ANK3: variants seen among roughly 807,000 people sequenced by gnomAD.
ANK3 encodes ankyrin-3.
In ANK3, 57 loss-of-function variants were observed where a neutral mutation model predicts 370.9. The observed-to-expected ratio is 0.15, with a 90% CI of 0.12 to 0.19. The LOEUF (loss-of-function observed/expected upper bound fraction) is 0.19. ANK3 is among the 10% of genes least tolerant of loss of function. ANK3 has a pLI of 1.00. For synonymous variants in ANK3, 1,929 were observed against 1,946.3 expected, an observed-to-expected ratio of 0.99 and a Z score of 0.23; for missense variants, 4,439 against 5,302.1, an observed-to-expected ratio of 0.84 and a Z score of 5.06.
intron 1 of ANK3, among the ~76,000 whole-genome samples, chr10:60,387,012 T>A (rs2062455513): frequency 6.6e-6 from 1 of 152,038 alleles, no homozygotes; most frequent in African/African-American, 2.4e-5. Context: ...GTACAAAAAT[T>A]AGCCGGGCAG....
chr10:60,716,053 T>A (rs1251821844), intron 1 of ANK3, among the ~76,000 whole-genome samples: 1 of 152,210 alleles, frequency 6.6e-6, no homozygotes, highest in Non-Finnish European at 1.5e-5. Flanking sequence ...CTACATGTGA[T>A]ACATATTCAC....
rs574040401 is a variant in ANK3, at chr10:60,260,928, A to T, written c.798+931T>A. 2.6e-5 allele frequency among the ~76,000 whole-genome samples: 4 copies of T among 152,250 alleles called. No homozygotes were observed. In the South Asian group the frequency reaches 8.3e-4, roughly 32 times the overall value. The stretch of plus-strand genomic sequence containing the variant: ...CCAATCTCAGACACCTCTTTATAGC[A>T]ATGTGAAAACAGACTAATACACTAC... On this transcript the variant is annotated intron_variant, in intron 7 of 43. Coordinates refer to ENST00000280772, the MANE Select transcript of ANK3 (RefSeq NM_020987.5).
chr10:60,346,592 T>C (rs1283494861), intron 1 of ANK3, among the ~76,000 whole-genome samples: 2 of 150,756 alleles, frequency 1.3e-5, no homozygotes, highest in Admixed American at 1.3e-4. Context: ...AGAGAGGTTA[T>C]CACACATTGT....
At chr10:60,097,199 G>A (rs988363281) in intron 28 of ANK3, among the ~76,000 whole-genome samples, 19 of 152,168 alleles carry the variant, frequency 1.2e-4, no homozygotes, top group East Asian at 5.8e-4. Context: ...GATTTAGCTC[G>A]TCAGTTTTAG....
chr10:60,254,116 C>G (rs1423377468), intron 7 of ANK3, among the ~76,000 whole-genome samples: 1 of 152,102 alleles, frequency 6.6e-6, no homozygotes, highest in Non-Finnish European at 1.5e-5. Context: ...ACTCTCTGTA[C>G]ACTTTAAATG....
intron 2 of ANK3, among the ~76,000 whole-genome samples, chr10:60,452,095 T>C (rs2064621547): frequency 1.3e-5 from 2 of 152,224 alleles, no homozygotes; most frequent in Non-Finnish European, 2.9e-5. Flanking sequence ...AAATGTTATC[T>C]TTACATTTCT....
At position 60,072,124 on chromosome 10, in the gene ANK3, C is replaced by T; in HGVS notation, c.8757G>A (p.Met2919Ile). The change falls in exon 37 of 44, where the codon ATG becomes ATA. Residue 2919 changes from methionine (M) to isoleucine (I), a missense_variant. This residue lies in a region of ANK3 where 1,601 missense variants were observed against 1,731.7 expected (regional missense o/e 0.92). Coordinates refer to ENST00000280772, the MANE Select transcript of ANK3 (RefSeq NM_020987.5). ...CTTTTTTGGAGGGAGATTTTACAGT[C>T]ATTTCTTTAATTTCTGAGAGAGAGC... ...TNGSLSEIKE[M>I]TVKSPSKKVL... 6.2e-7 allele frequency: 1 copy of T among 1,613,918 alleles called. No homozygotes were observed. Among genetic ancestry groups the T allele is most frequent in the African/African-American group, 1.3e-5 (1 of 75,038 alleles).
intron 25 of ANK3, among the ~76,000 whole-genome samples, chr10:60,130,060 C>T (rs1292446334): frequency 6.6e-6 from 1 of 152,098 alleles, no homozygotes; most frequent in Non-Finnish European, 1.5e-5. Context: ...TGTTTAAATG[C>T]ACTTCTGAAG....
intron 1 of ANK3, among the ~76,000 whole-genome samples, chr10:60,351,528 T>C (rs1417380): frequency 0.75 from 113,865 of 152,136 alleles, 42,876 homozygotes; most frequent in South Asian, 0.92. Flanking sequence ...GGGAAGTTCC[T>C]TATTTGAAGA....
intron 9 of ANK3, among the ~76,000 whole-genome samples, chr10:60,209,860 T>TA (rs1025786941): frequency 2.9e-4 from 44 of 151,426 alleles, no homozygotes; most frequent in East Asian, 2.1e-3. Flanking sequence ...GCAGTGTCAA[T>TA]AAAAAAAAAT....
intron 1 of ANK3, among the ~76,000 whole-genome samples, chr10:60,294,009 T>C (rs2042007328): frequency 6.6e-6 from 1 of 152,244 alleles, no homozygotes; most frequent in South Asian, 2.1e-4. Context: ...ATCCTTATTA[T>C]GTAGGAGGCA....
intron 2 of ANK3, among the ~76,000 whole-genome samples, chr10:60,407,450 A>T (rs898888699): frequency 6.6e-6 from 1 of 152,210 alleles, no homozygotes; most frequent in African/African-American, 2.4e-5. Flanking sequence ...TTGCGAGGGT[A>T]TATGTGAGTG....
intron 2 of ANK3, among the ~76,000 whole-genome samples, chr10:60,516,317 A>G (rs1321408470): frequency 6.6e-6 from 1 of 152,154 alleles, no homozygotes; most frequent in Non-Finnish European, 1.5e-5. Context: ...TGTAACACAA[A>G]TCCATGGGAC....
intron 11 of ANK3, 52 bp downstream of exon 11, chr10:60,205,740 A>G: frequency 7.4e-7 from 1 of 1,355,528 alleles, no homozygotes; most frequent in Non-Finnish European, 1.1e-6. Context: ...TCTGGCTGCT[A>G]AGGCTATACT....
chr10:60,308,248 A>G (rs2045587807), intron 1 of ANK3, among the ~76,000 whole-genome samples: 1 of 150,180 alleles, frequency 6.7e-6, no homozygotes, highest in Non-Finnish European at 1.5e-5. Context: ...AGAAAAGTTT[A>G]GAGACCCAGT....
chr10:60,697,441 G>T (rs959416574), intron 1 of ANK3, among the ~76,000 whole-genome samples: 3 of 149,268 alleles, frequency 2.0e-5, no homozygotes, highest in Non-Finnish European at 3.0e-5. Context: ...AGCCCGCATC[G>T]CCAAGTCAAT....
At chr10:60,510,859 G>T (rs1183647846) in intron 2 of ANK3, among the ~76,000 whole-genome samples, 1 of 151,986 alleles carries the variant, frequency 6.6e-6, no homozygotes, top group African/African-American at 2.4e-5. Flanking sequence ...AATAAGAAAT[G>T]TAGCATCAGA....
intron 2 of ANK3, among the ~76,000 whole-genome samples, chr10:60,428,660 A>G (rs1415392915): frequency 1.3e-5 from 2 of 150,330 alleles, no homozygotes; most frequent in South Asian, 2.1e-4. Context: ...CTCAAGGAGG[A>G]GCTAGATAGG....
chr10:60,439,330 G>A (rs1317446927), intron 2 of ANK3, among the ~76,000 whole-genome samples: 1 of 152,064 alleles, frequency 6.6e-6, no homozygotes, highest in Non-Finnish European at 1.5e-5. Context: ...GAATCCTGTG[G>A]TAGAGACTGG....
Sources: allele counts gnomAD v4.1 joint callset (sites outside exome capture counted in the v4.1 genomes callset), GRCh38; gene constraint gnomAD v4.1.1; regional missense constraint gnomAD v4.1.1; transcripts MANE v1.5; gene names NCBI Gene and HGNC (gene_info 2026-07-23, HGNC 2026-07-21).